Variants in GLRX3 observed in about 807,000 individuals in gnomAD.
The protein encoded by GLRX3 is glutaredoxin-3.
GLRX3 carries 22 observed loss-of-function variants against 49.5 expected under a neutral mutation model. The observed-to-expected ratio is 0.44, with a 90% CI of 0.32 to 0.63. The LOEUF is 0.63. GLRX3 is among the 30% of genes least tolerant of loss of function. The pLI, the probability that GLRX3 is intolerant of heterozygous loss-of-function variation, is 0.05. For missense variants in GLRX3, 385 were observed against 396.3 expected, an observed-to-expected ratio of 0.97 and a Z score of 0.24; for synonymous variants, 133 against 140.0, an observed-to-expected ratio of 0.95 and a Z score of 0.35.
intron 10 of GLRX3, among the ~76,000 whole-genome samples, chr10:130,176,790 CTCTATA>C (rs1336512571): frequency 3.7e-5 from 5 of 135,586 alleles, no homozygotes; most frequent in African/African-American, 8.2e-5. Flanking sequence ...CTCTCTCTCT[CTCTATA>C]TATATATATA....
Position 130,166,419 on chromosome 10 carries a change from A to T in GLRX3, c.479-88A>T. ...TAAGGCAGGCGTCTATGTCTTTTAG[A>T]TGATATGTACGCTGAACTAATGTAT... On this transcript the variant is annotated intron_variant, in intron 4 of 10. Coordinates refer to ENST00000331244, the MANE Select transcript of GLRX3 (RefSeq NM_006541.5). The T allele has an allele frequency of 4.6e-6, 4 of 865,058 alleles. No individual in the cohort carries two copies. In the South Asian group the frequency reaches 5.1e-5, roughly 11 times the overall value. The allele number at this position is 865,058 out of a possible 1,614,324, so 53.6% of individuals were successfully genotyped here.
At chr10:130,160,607 TC>T (rs1862555752) in intron 3 of GLRX3, among the ~76,000 whole-genome samples, 188 bp from the exon 4 acceptor site, 1 of 152,194 alleles carries the variant, frequency 6.6e-6, no homozygotes, top group Admixed American at 6.5e-5. Flanking sequence ...TGCAGTGTTT[TC>T]TCAGTGTGTT....
At chr10:130,157,060 A>G (rs59881263) in intron 2 of GLRX3, among the ~76,000 whole-genome samples, 5,782 of 152,300 alleles carry the variant, frequency 0.038, 209 homozygotes, top group East Asian at 0.1. Context: ...AAGTTACCCA[A>G]GTTATCTCCT....
intron 2 of GLRX3, among the ~76,000 whole-genome samples, chr10:130,159,053 A>G (rs1446752822): frequency 2.6e-5 from 4 of 152,158 alleles, no homozygotes; most frequent in Non-Finnish European, 5.9e-5. Flanking sequence ...CCCAGTGGAA[A>G]TCTTTTACTC....
At chr10:130,174,764 A>G (rs1048441163) in intron 8 of GLRX3, 103 bp from the exon 9 acceptor site, 1 of 753,892 alleles carries the variant, frequency 1.3e-6, no homozygotes, top group African/African-American at 1.7e-5. Context: ...TTTTGTTAGC[A>G]GTGAAACGGT....
chr10:130,164,549 A>G (rs770893906), intron 4 of GLRX3, among the ~76,000 whole-genome samples: 3 of 152,210 alleles, frequency 2.0e-5, no homozygotes, highest in Non-Finnish European at 4.4e-5. Flanking sequence ...TGTCATGAGT[A>G]GAAATGACTG....
chr10:130,162,061 C>CT (rs1256779931), intron 4 of GLRX3, among the ~76,000 whole-genome samples: 1 of 152,216 alleles, frequency 6.6e-6, no homozygotes, highest in East Asian at 1.9e-4. Flanking sequence ...GACGGAACCT[C>CT]TGTCTACTAG....
chr10:130,168,739 G>A (rs1445888257), intron 6 of GLRX3, among the ~76,000 whole-genome samples: 1 of 152,284 alleles, frequency 6.6e-6, no homozygotes, highest in African/African-American at 2.4e-5. Context: ...GAGCCACCGC[G>A]CCCAACCTCT....
intron 2 of GLRX3, among the ~76,000 whole-genome samples, chr10:130,146,308 A>G (rs1862269753): frequency 1.3e-5 from 2 of 152,344 alleles, no homozygotes; most frequent in Admixed American, 6.5e-5. Context: ...AAATGCTGCT[A>G]GGGACCAGGG....
intron 2 of GLRX3, among the ~76,000 whole-genome samples, chr10:130,152,906 G>T (rs1017901385): frequency 9.9e-5 from 15 of 152,054 alleles, no homozygotes; most frequent in African/African-American, 3.6e-4. Context: ...TTCCTAACTT[G>T]GTTCCATTCT....
chr10:130,140,448 T>C (rs539598817), intron 1 of GLRX3, among the ~76,000 whole-genome samples: 1 of 152,346 alleles, frequency 6.6e-6, no homozygotes, highest in South Asian at 2.1e-4. Context: ...ATGTGCTTAA[T>C]TGAGAAATGG....
chr10:130,167,895 C>T (rs997803424), intron 6 of GLRX3, among the ~76,000 whole-genome samples: 1 of 152,136 alleles, frequency 6.6e-6, no homozygotes, highest in African/African-American at 2.4e-5. Flanking sequence ...CTCCTCATCC[C>T]TTTTTTGACT....
intron 1 of GLRX3, among the ~76,000 whole-genome samples, chr10:130,141,745 G>A (rs1220088440): frequency 1.3e-5 from 2 of 152,152 alleles, no homozygotes; most frequent in African/African-American, 4.8e-5. Context: ...GATTTATTAT[G>A]TATAGGGCTG....
rs565563736 is a variant in GLRX3, at chr10:130,161,211, G to T, written c.478+214G>T. 2.0e-5 allele frequency among the ~76,000 whole-genome samples: 3 copies of T among 152,278 alleles called. No individual in the cohort carries two copies. In the East Asian group the frequency reaches 5.8e-4, roughly 29 times the overall value. ...ACTCAGCATGTTGGAACCAAAAGGG[G>T]TCTCAGAACTCATCTAATTCAGATT... is the stretch of plus-strand genomic sequence containing the variant. On this transcript the variant is annotated intron_variant, in intron 4 of 10. Coordinates refer to ENST00000331244, the MANE Select transcript of GLRX3 (RefSeq NM_006541.5).
At chr10:130,167,102 T>G in intron 6 of GLRX3, 122 bp downstream of exon 6, 1 of 541,304 alleles carries the variant, frequency 1.8e-6, no homozygotes, top group African/African-American at 2.0e-5. Flanking sequence ...CCAGACGTCA[T>G]AATTGTTTAG....
rs1293574253 is a variant in GLRX3, at chr10:130,145,304, A to G, written c.186A>G (p.Gln62=). ...CAGAGTTAGCTAAAGAACTCCCTCA[A>G]GTTTCATTTGTGAAGGTATTTATAT... ...VMAELAKELP[Q]VSFVKLEAEG... The change falls in exon 2 of 11, where the codon CAA becomes CAG. Residue 62 remains glutamine, a synonymous_variant. Coordinates refer to ENST00000331244, the MANE Select transcript of GLRX3 (RefSeq NM_006541.5). 2.8e-6 allele frequency: 4 copies of G among 1,421,444 alleles called. No individual in the cohort carries two copies. Among genetic ancestry groups the G allele is most frequent in the Non-Finnish European group, 4.0e-6 (4 of 1,004,508 alleles). The allele number at this position is 1,421,444 out of a possible 1,614,324, so 88.1% of individuals were successfully genotyped here. A position where few individuals can be genotyped will look rare whatever the true frequency, so the allele number is the denominator to read the frequency against.
chr10:130,138,813 A>G (rs534392768), intron 1 of GLRX3, among the ~76,000 whole-genome samples: 1 of 151,790 alleles, frequency 6.6e-6, no homozygotes, highest in Admixed American at 6.6e-5. Context: ...TTCATGTTTT[A>G]AAAAGTCCTT....
chr10:130,179,608 A>G lies in GLRX3; in HGVS notation c.*216A>G. 1 of 495,854 alleles carries G rather than the reference A, an allele frequency of 2.0e-6. No homozygotes were observed. Among genetic ancestry groups the G allele is most frequent in the Non-Finnish European group, 3.6e-6 (1 of 278,184 alleles). 30.7% of individuals were successfully genotyped at this position (495,854 alleles called of 1,614,324 possible). A position where few individuals can be genotyped will look rare whatever the true frequency, so the allele number is the denominator to read the frequency against. Reference sequence around the variant, plus strand: ...AATAAACATCTTCAAATTATTAACAATAATTGTATGAAAAAAGTGTATCTT... The same window carrying G: ...AATAAACATCTTCAAATTATTAACAGTAATTGTATGAAAAAAGTGTATCTT... On this transcript the variant is annotated 3_prime_UTR_variant, in exon 11 of 11. Coordinates refer to ENST00000331244, the MANE Select transcript of GLRX3 (RefSeq NM_006541.5).
At chr10:130,138,220 C>T (rs1862103390) in intron 1 of GLRX3, among the ~76,000 whole-genome samples, 1 of 152,024 alleles carries the variant, frequency 6.6e-6, no homozygotes, top group East Asian at 1.9e-4. Flanking sequence ...CCACGCTGGG[C>T]TAATTTGTGT....
Sources: allele counts gnomAD v4.1 joint callset (sites outside exome capture counted in the v4.1 genomes callset), GRCh38; gene constraint gnomAD v4.1.1; transcripts MANE v1.5; gene names NCBI Gene and HGNC (gene_info 2026-07-23, HGNC 2026-07-21).